Variants in CA10 observed in about 807,000 individuals in gnomAD.
CA10 encodes carbonic anhydrase-related protein 10.
A neutral mutation model predicts 44.2 loss-of-function variants in CA10; 14 were observed. That is an observed-to-expected ratio of 0.32 (90% confidence interval 0.21 to 0.50). The LOEUF (loss-of-function observed/expected upper bound fraction) is 0.50. Among genes scored for constraint, CA10 ranks in the 20% least tolerant of loss-of-function variants. CA10 has a pLI of 0.99. For synonymous variants in CA10, 159 were observed against 141.6 expected, an observed-to-expected ratio of 1.12 and a Z score of -0.87; for missense variants, 350 against 409.7, an observed-to-expected ratio of 0.85 and a Z score of 1.26.
At chr17:51,849,274 T>G (rs1978683577) in intron 3 of CA10, among the ~76,000 whole-genome samples, 1 of 132,308 alleles carries the variant, frequency 7.6e-6, no homozygotes, top group South Asian at 2.5e-4. Flanking sequence ...TAAAACTAAG[T>G]TTTTTGGAGT....
chr17:51,802,701 G>A (rs1026493977), intron 3 of CA10, among the ~76,000 whole-genome samples: 1 of 152,000 alleles, frequency 6.6e-6, no homozygotes, highest in Non-Finnish European at 1.5e-5. Context: ...GGCTAGGGAT[G>A]TCCCCAGAGT....
At chr17:51,677,516 A>G (rs1009111224) in intron 4 of CA10, among the ~76,000 whole-genome samples, 4 of 152,082 alleles carry the variant, frequency 2.6e-5, no homozygotes, top group African/African-American at 9.7e-5. Flanking sequence ...AACCAATGAA[A>G]CCTCTTTTCT....
chr17:51,717,685 G>GTA (rs1356274188), intron 4 of CA10, among the ~76,000 whole-genome samples: 683 of 39,120 alleles, frequency 0.017, 84 homozygotes, highest in African/African-American at 0.055. Flanking sequence ...ATGTATATAT[G>GTA]TATACATATA....
At chr17:51,755,025 T>C (rs1050317452) in intron 3 of CA10, among the ~76,000 whole-genome samples, 1 of 152,128 alleles carries the variant, frequency 6.6e-6, no homozygotes, top group African/African-American at 2.4e-5. Flanking sequence ...TATCTATATA[T>C]TTCCTACATC....
At chr17:51,780,167 A>G (rs1905999902) in intron 3 of CA10, among the ~76,000 whole-genome samples, 1 of 152,212 alleles carries the variant, frequency 6.6e-6, no homozygotes, top group South Asian at 2.1e-4. Flanking sequence ...TTGACAACAA[A>G]AGAGAGTTTG....
At chr17:51,928,955 CT>C (rs1193980294) in intron 3 of CA10, among the ~76,000 whole-genome samples, 2 of 152,158 alleles carry the variant, frequency 1.3e-5, no homozygotes, top group Non-Finnish European at 2.9e-5. Context: ...GTTCTCAGCT[CT>C]TCAAACCACT....
intron 3 of CA10, among the ~76,000 whole-genome samples, chr17:51,852,699 C>T (rs1978848603): frequency 6.6e-6 from 1 of 152,122 alleles, no homozygotes; most frequent in Non-Finnish European, 1.5e-5. Flanking sequence ...TTGGAGGAAC[C>T]TATTAAACTT....
At chr17:51,998,277 T>C (rs1359013844) in intron 2 of CA10, among the ~76,000 whole-genome samples, 1 of 152,224 alleles carries the variant, frequency 6.6e-6, no homozygotes, top group Admixed American at 6.5e-5. Flanking sequence ...GAAAGTAGTA[T>C]AATAATTTTG....
intron 3 of CA10, among the ~76,000 whole-genome samples, chr17:51,895,306 G>C (rs924810768): frequency 6.6e-6 from 1 of 151,992 alleles, no homozygotes; most frequent in African/African-American, 2.4e-5. Context: ...CAGAAAACAG[G>C]AAAACAACAG....
chr17:51,905,228 G>A (rs1043603085), intron 3 of CA10, among the ~76,000 whole-genome samples: 12 of 152,238 alleles, frequency 7.9e-5, no homozygotes, highest in African/African-American at 2.4e-4. Context: ...CAGCTGTCAA[G>A]GTGGAAAATG....
intron 3 of CA10, among the ~76,000 whole-genome samples, chr17:51,918,742 C>T (rs1982105501): frequency 6.6e-6 from 1 of 152,138 alleles, no homozygotes; most frequent in African/African-American, 2.4e-5. Flanking sequence ...TGGGTTTGCT[C>T]TATGAGAAAA....
At chr17:51,775,108 G>A (rs1022077556) in intron 3 of CA10, among the ~76,000 whole-genome samples, 16 of 152,220 alleles carry the variant, frequency 1.1e-4, no homozygotes, top group Middle Eastern at 3.4e-3. Flanking sequence ...TCCTCTAAAG[G>A]GGGAGGGGCA....
At chr17:51,646,518 C>T (rs910654402) in intron 6 of CA10, among the ~76,000 whole-genome samples, 10 of 152,028 alleles carry the variant, frequency 6.6e-5, no homozygotes, top group African/African-American at 1.2e-4. Context: ...TTCTGTCTCT[C>T]GAACATTTAG....
At chr17:52,125,192 C>T (rs1448970416) in intron 1 of CA10, among the ~76,000 whole-genome samples, 1 of 152,222 alleles carries the variant, frequency 6.6e-6, no homozygotes, top group African/African-American at 2.4e-5. Context: ...GTCTTCCTTG[C>T]TGCCTGAGTG....
chr17:52,028,359 A>T (rs987599805), intron 2 of CA10, among the ~76,000 whole-genome samples: 4 of 152,230 alleles, frequency 2.6e-5, no homozygotes, highest in Non-Finnish European at 4.4e-5. Context: ...AAAGTATACC[A>T]ATCAAGGATC....
intron 2 of CA10, among the ~76,000 whole-genome samples, chr17:52,013,163 A>T (rs1985861060): frequency 6.6e-6 from 1 of 152,054 alleles, no homozygotes; most frequent in Admixed American, 6.6e-5. Flanking sequence ...ACAGAAAAAG[A>T]GATATCCATT....
intron 3 of CA10, among the ~76,000 whole-genome samples, chr17:51,764,040 C>T (rs964935142): frequency 3.4e-5 from 5 of 148,262 alleles, no homozygotes; most frequent in Admixed American, 3.3e-4. Flanking sequence ...AAAAAAAAAA[C>T]TCTACAAATA....
chr17:51,949,339 G>T (rs1006946126), intron 2 of CA10, among the ~76,000 whole-genome samples: 2 of 152,054 alleles, frequency 1.3e-5, no homozygotes, highest in Non-Finnish European at 2.9e-5. Context: ...TCTACAGCTG[G>T]GAAGAAGAAT....
chr17:51,781,135 C>T (rs897008823), intron 3 of CA10, among the ~76,000 whole-genome samples: 11 of 152,014 alleles, frequency 7.2e-5, no homozygotes, highest in Admixed American at 2.0e-4. Context: ...TTAGTAAGGA[C>T]GAGATCAAGA....
Sources: allele counts gnomAD v4.1 joint callset (sites outside exome capture counted in the v4.1 genomes callset), GRCh38; gene constraint gnomAD v4.1.1; transcripts MANE v1.5; gene names NCBI Gene and HGNC (gene_info 2026-07-23, HGNC 2026-07-21).